Variants in FBRSL1 observed in about 807,000 individuals in gnomAD.
The protein encoded by FBRSL1 is fibrosin like 1, also known as fibrosin-1-like protein.
In FBRSL1, 51 loss-of-function variants were observed where a neutral mutation model predicts 89.6. That is an observed-to-expected ratio of 0.57 (90% CI 0.45 to 0.72). The LOEUF is 0.72. Ranked by LOEUF, FBRSL1 falls within the 30% of genes least tolerant of loss-of-function variation. The pLI is 0.00. For synonymous variants in FBRSL1, 779 were observed against 681.1 expected (o/e 1.14, Z -2.24); for missense variants, 1,618 against 1,451.8 (o/e 1.11, Z -1.86).
chr12:132,572,413 G>A, intron 10 of FBRSL1, 69 bp downstream of exon 10: 1 of 1,523,890 alleles, frequency 6.6e-7, no homozygotes. Context: ...GCGGTGGGTG[G>A]GGCTGCCCCT....
Position 132,567,533 on chromosome 12 carries a change from G to A in FBRSL1, c.691+7G>A, listed in dbSNP as rs1428343887. 2 of 1,550,878 alleles carry A rather than the reference G, an allele frequency of 1.3e-6. No homozygotes were observed. The highest frequency in any genetic ancestry group is 1.7e-6 in the Non-Finnish European group (2 of 1,146,830). ...GCGCCGGGAACCGATAAAGGTAAGT[G>A]GGTCCCCTCGGCCCAGCTCCTGGGC... On this transcript the variant is annotated splice_region_variant and intron_variant, in intron 6 of 18. Coordinates refer to ENST00000680143, the MANE Select transcript of FBRSL1 (RefSeq NM_001367871.1).
chr12:132,515,221 A>C (rs1180386211), intron 2 of FBRSL1, among the ~76,000 whole-genome samples: 1 of 152,116 alleles, frequency 6.6e-6, no homozygotes, highest in East Asian at 1.9e-4. Flanking sequence ...TGGCACAGAC[A>C]AACCAGACAC....
chr12:132,507,681 A>G (rs1044960942), intron 1 of FBRSL1, among the ~76,000 whole-genome samples: 2 of 152,016 alleles, frequency 1.3e-5, no homozygotes, highest in African/African-American at 4.8e-5. Context: ...GGCCCTCTGG[A>G]ATATGGTGTC....
intron 1 of FBRSL1, among the ~76,000 whole-genome samples, chr12:132,494,799 G>C (rs967368506): frequency 1.3e-5 from 2 of 152,202 alleles, no homozygotes; most frequent in Admixed American, 6.5e-5. Context: ...GTGTGTCCCA[G>C]GAATAAAGGC....
Position 132,498,940 on chromosome 12 carries a change from C to T in FBRSL1, c.291+8079C>T, listed in dbSNP as rs1007077873. ...AACCCCAGCCAGGTCCCGTGGCCAC[C>T]TGCCCATGCTCCCGTCTGCTCAGCG... On this transcript the variant is annotated intron_variant, in intron 1 of 18. Coordinates refer to ENST00000680143, the MANE Select transcript of FBRSL1 (RefSeq NM_001367871.1). Among the ~76,000 whole-genome samples the T allele has an allele frequency of 6.6e-5, 10 of 152,364 alleles. No individual in the cohort carries two copies. In the East Asian group the frequency reaches 1.2e-3, roughly 18 times the overall value.
rs1231256525 is a variant in FBRSL1, at chr12:132,570,329, C to T, written c.1008-6C>T. The T allele has an allele frequency of 6.5e-7, 1 of 1,529,054 alleles. No homozygotes were observed. 94.7% of individuals were successfully genotyped at this position (1,529,054 alleles called of 1,614,324 possible). A position where few individuals can be genotyped will look rare whatever the true frequency, so the allele number is the denominator to read the frequency against. ...GCTGGCAGGCACTGAGCCCCGTGTC[C>T]CGCAGCAGGAGCAGCAGCGCCCCCC... On this transcript the variant is annotated splice_polypyrimidine_tract_variant and splice_region_variant and intron_variant, in intron 7 of 18. Coordinates refer to ENST00000680143, the MANE Select transcript of FBRSL1 (RefSeq NM_001367871.1).
chr12:132,525,225 G>C (rs2035691057), intron 2 of FBRSL1, among the ~76,000 whole-genome samples: 1 of 152,256 alleles, frequency 6.6e-6, no homozygotes, highest in African/African-American at 2.4e-5. Context: ...GCCGACCGAA[G>C]GAGGTGCTGT....
intron 3 of FBRSL1, 93 bp downstream of exon 3, chr12:132,525,916 G>T: frequency 3.8e-6 from 4 of 1,061,586 alleles, no homozygotes; most frequent in Non-Finnish European, 4.1e-6. Flanking sequence ...AGTCTGGGCC[G>T]CCTGCCCACT....
rs759479008 is a variant in FBRSL1, at chr12:132,490,771, GCGCCGC to G, written c.211_216del (p.Arg71_Arg72del). ...CCGCGCCCCGCACCGCGCGTCCCCC[GCGCCGC>G]CGCCGCCGCGAGTCCAGCTCGCAGG... On this transcript the variant is annotated inframe_deletion, in exon 1 of 19. Coordinates refer to ENST00000680143, the MANE Select transcript of FBRSL1 (RefSeq NM_001367871.1). The G allele has an allele frequency of 4.3e-6, 5 of 1,164,164 alleles. No homozygotes were observed. Among genetic ancestry groups the G allele is most frequent in the South Asian group, 3.5e-5 (1 of 28,474 alleles). 72.1% of individuals were successfully genotyped at this position (1,164,164 alleles called of 1,614,324 possible).
chr12:132,518,717 G>A (rs2035077429), intron 2 of FBRSL1, among the ~76,000 whole-genome samples: 1 of 136,942 alleles, frequency 7.3e-6, no homozygotes, highest in Non-Finnish European at 1.6e-5. Flanking sequence ...CATCCACTCA[G>A]GCATCCATCA....
intron 2 of FBRSL1, among the ~76,000 whole-genome samples, chr12:132,520,812 T>A (rs4400876): frequency 6.6e-6 from 1 of 152,118 alleles, no homozygotes. Flanking sequence ...GGACTGTCCC[T>A]TCGGGAGCGA....
rs1446360012 is a variant in FBRSL1, at chr12:132,583,401, T to C, written c.2632T>C (p.Leu878=). The C allele has an allele frequency of 1.0e-5, 11 of 1,078,408 alleles. No homozygotes were observed. In the Admixed American group the frequency reaches 5.7e-4, roughly 56 times the overall value. The allele number at this position is 1,078,408 out of a possible 1,614,324, so 66.8% of individuals were successfully genotyped here. ...AAPAPGSAAL[L]EPPERPYRDR... is the part of the protein sequence containing the mutation. ...CCCCGCCCCGGGCTCCGCCGCCCTC[T>C]TGGAGCCCCCGGAGCGCCCCTACCG... The change falls in exon 19 of 19, where the codon TTG becomes CTG. Residue 878 remains leucine (L), a synonymous_variant. Transcript: ENST00000680143.
chr12:132,584,464 T>G lies in FBRSL1; in HGVS notation c.*686T>G, dbSNP rs2041001987. 1 of 152,242 alleles carries G rather than the reference T, an allele frequency of 6.6e-6. No individual in the cohort carries two copies. The highest frequency in any genetic ancestry group is 2.4e-5 in the African/African-American group (1 of 41,460). The allele number at this position is 152,242 out of a possible 1,614,324, so 9.4% of individuals were successfully genotyped here. ...CGTTTCCAGAAACCCCTCTGGTTGT[T>G]TGTCTAACATGGTCACAAAAACCCA... On this transcript the variant is annotated 3_prime_UTR_variant, in exon 19 of 19. Coordinates refer to ENST00000680143, the MANE Select transcript of FBRSL1 (RefSeq NM_001367871.1).
intron 2 of FBRSL1, among the ~76,000 whole-genome samples, chr12:132,520,698 G>A (rs538818416): frequency 9.2e-5 from 14 of 152,308 alleles, no homozygotes; most frequent in Non-Finnish European, 1.3e-4. Context: ...GGGCAGGTTC[G>A]GGACAGAGGG....
chr12:132,574,220 GCGGGCTGGTGGCCACAGCAGA>G, intron 12 of FBRSL1, 62 bp downstream of exon 12: 1 of 1,440,222 alleles, frequency 6.9e-7, no homozygotes, highest in Non-Finnish European at 9.1e-7. Flanking sequence ...CGGGCCCTGT[GCGGGCTGGTGGCCACAGCAGA>G]CGGGCTGTGT....
intron 1 of FBRSL1, among the ~76,000 whole-genome samples, chr12:132,497,667 C>A (rs1433799886): frequency 1.3e-5 from 2 of 152,154 alleles, no homozygotes; most frequent in Non-Finnish European, 2.9e-5. Context: ...TGGCCCCAGG[C>A]TAGAATCCAG....
intron 5 of FBRSL1, among the ~76,000 whole-genome samples, chr12:132,549,715 C>T (rs925276636): frequency 1.3e-5 from 2 of 152,186 alleles, no homozygotes; most frequent in Admixed American, 6.5e-5. Context: ...TCGGCGATGC[C>T]GGCGGGGAAG....
In FBRSL1 at chr12:132,490,615, G is replaced by T. The variant is rs896476753; in HGVS notation, c.45G>T (p.Arg15=). Residue 15 remains arginine (R), a synonymous_variant, in exon 1 of 19, where the codon CGG becomes CGT. Coordinates refer to ENST00000680143, the MANE Select transcript of FBRSL1 (RefSeq NM_001367871.1). ...CGAGCCGGCGCTCGCGCGCGCAGCGGGACCGTGGCCGGCGCCGGGAGGCCG... is the reference window on the plus strand; with the variant it reads ...CGAGCCGGCGCTCGCGCGCGCAGCGTGACCGTGGCCGGCGCCGGGAGGCCG... The part of the protein sequence containing the change: ...VRPSRRSRAQ[R]DRGRRREAAR... 3 of 983,556 alleles carry T rather than the reference G, an allele frequency of 3.1e-6. No homozygotes were observed. The highest frequency in any genetic ancestry group is 3.6e-6 in the Non-Finnish European group (3 of 830,236). 60.9% of individuals were successfully genotyped at this position (983,556 alleles called of 1,614,324 possible).
intron 6 of FBRSL1, among the ~76,000 whole-genome samples, chr12:132,569,596 G>T (rs1593544155): frequency 6.6e-6 from 1 of 152,174 alleles, no homozygotes; most frequent in East Asian, 1.9e-4. Flanking sequence ...TGTTAAATGA[G>T]GTCATAGCAG....
Sources: gnomAD v4.1 joint callset for allele counts (sites outside exome capture counted in the v4.1 genomes callset) on GRCh38, gnomAD v4.1.1 for gene constraint, MANE v1.5 for transcripts, NCBI Gene and HGNC (gene_info 2026-07-23, HGNC 2026-07-21) for gene names.